Variants in AKT3 observed in about 807,000 individuals in gnomAD.
AKT3 encodes AKT serine/threonine kinase 3, also known as RAC-gamma serine/threonine-protein kinase.
A neutral mutation model predicts 65.3 loss-of-function variants in AKT3; 15 were observed. That is an observed-to-expected ratio of 0.23 (90% confidence interval 0.15 to 0.35). The LOEUF (loss-of-function observed/expected upper bound fraction) is 0.35, where lower values mean the gene tolerates loss of function less well. Among genes scored for constraint, AKT3 ranks in the 10% least tolerant of loss-of-function variants. The pLI, the probability that AKT3 is intolerant of heterozygous loss-of-function variation, is 1.00. For synonymous variants in AKT3, 206 were observed against 183.8 expected, an observed-to-expected ratio of 1.12 and a Z score of -0.98; for missense variants, 243 against 576.5, an observed-to-expected ratio of 0.42 and a Z score of 5.92.
In AKT3 at chr1:243,835,399, G is replaced by A. The variant is rs541433417; in HGVS notation, c.46+7726C>T. 1.5e-3 allele frequency among the ~76,000 whole-genome samples: 230 copies of A among 152,156 alleles called. 1 individual carries two copies. The highest frequency in any genetic ancestry group is 5.3e-3 in the African/African-American group (222 of 41,504). ...GTACTATGTTTATTACCTGAATGAC[G>A]AAATAATCTGTATACCAAACCCCTA... On this transcript the variant is annotated intron_variant, in intron 2 of 13. Transcript: ENST00000673466.
chr1:243,568,160 T>A (rs1424675347), intron 9 of AKT3, among the ~76,000 whole-genome samples: 2 of 152,186 alleles, frequency 1.3e-5, no homozygotes, highest in East Asian at 3.9e-4. Flanking sequence ...TTCCCTTTGT[T>A]AGCCAGACAA....
intron 8 of AKT3, among the ~76,000 whole-genome samples, chr1:243,575,996 A>G (rs1262545412): frequency 6.6e-6 from 1 of 152,162 alleles, no homozygotes; most frequent in East Asian, 1.9e-4. Flanking sequence ...GATCTTTACT[A>G]ACATGACAAG....
At chr1:243,719,493 T>C (rs1450001393) in intron 2 of AKT3, among the ~76,000 whole-genome samples, 3 of 152,350 alleles carry the variant, frequency 2.0e-5, no homozygotes, top group African/African-American at 7.2e-5. Context: ...ATGAGAAGTA[T>C]ATTTTGAGTA....
chr1:243,740,842 AT>A (rs1412870647), intron 2 of AKT3: 1 of 152,272 alleles, frequency 6.6e-6, no homozygotes, highest in African/African-American at 2.4e-5. Context: ...TTTACTCTTC[AT>A]TTTGTATCTG....
At chr1:243,650,963 G>A (rs1314723523) in intron 4 of AKT3, among the ~76,000 whole-genome samples, 1 of 152,174 alleles carries the variant, frequency 6.6e-6, no homozygotes, top group Non-Finnish European at 1.5e-5. Flanking sequence ...GCTTGATGGG[G>A]ATAGCACTGA....
At chr1:243,577,924 A>G (rs1675061960) in intron 8 of AKT3, among the ~76,000 whole-genome samples, 1 of 152,220 alleles carries the variant, frequency 6.6e-6, no homozygotes, top group African/African-American at 2.4e-5. Flanking sequence ...ACCAACAAAC[A>G]CATGAAAAAA....
chr1:243,760,633 C>G (rs753314814), intron 2 of AKT3, among the ~76,000 whole-genome samples: 9 of 152,088 alleles, frequency 5.9e-5, no homozygotes, highest in Non-Finnish European at 1.3e-4. Context: ...TCACATGAGG[C>G]TGAACAAGGT....
At chr1:243,547,252 T>C (rs867296712) in intron 11 of AKT3, among the ~76,000 whole-genome samples, 6 of 152,166 alleles carry the variant, frequency 3.9e-5, no homozygotes, top group Admixed American at 6.5e-5. Flanking sequence ...TCCAAACAGA[T>C]ACAGCAGACA....
intron 12 of AKT3, among the ~76,000 whole-genome samples, chr1:243,524,351 T>C (rs556063621): frequency 2.0e-4 from 30 of 152,236 alleles, no homozygotes; most frequent in Admixed American, 1.9e-3. Flanking sequence ...TCCTGAACCA[T>C]ACATACCAGG....
chr1:243,752,959 A>C (rs1040859516), intron 2 of AKT3, among the ~76,000 whole-genome samples: 1 of 152,198 alleles, frequency 6.6e-6, no homozygotes, highest in Admixed American at 6.5e-5. Flanking sequence ...GAATTTTGGC[A>C]TAGTTTCTAC....
chr1:243,846,924 T>C (rs575841101), intron 1 of AKT3, among the ~76,000 whole-genome samples: 11 of 152,312 alleles, frequency 7.2e-5, no homozygotes, highest in Non-Finnish European at 1.5e-4. Flanking sequence ...TGAATACAGG[T>C]AAAGCACATA....
intron 6 of AKT3, among the ~76,000 whole-genome samples, chr1:243,616,125 G>T (rs1229655400): frequency 6.6e-6 from 1 of 151,368 alleles, no homozygotes; most frequent in East Asian, 1.9e-4. Context: ...CTTTAGTGGT[G>T]ATTTCTGAGA....
intron 12 of AKT3, among the ~76,000 whole-genome samples, chr1:243,544,013 A>T (rs1435493607): frequency 6.6e-6 from 1 of 152,198 alleles, no homozygotes; most frequent in Admixed American, 6.5e-5. Flanking sequence ...TTAACAGAGA[A>T]GAACACTTGG....
At chr1:243,684,150 A>C (rs1047843735) in intron 3 of AKT3, among the ~76,000 whole-genome samples, 1 of 151,550 alleles carries the variant, frequency 6.6e-6, no homozygotes, top group Non-Finnish European at 1.5e-5. Flanking sequence ...TTTTTGTATA[A>C]ATGTTTTTTA....
At chr1:243,591,333 C>T (rs1285854137) in intron 8 of AKT3, among the ~76,000 whole-genome samples, 1 of 152,174 alleles carries the variant, frequency 6.6e-6, no homozygotes, top group Non-Finnish European at 1.5e-5. Flanking sequence ...AAAATACTGC[C>T]TCAATAGTGC....
In AKT3 at chr1:243,503,914, C is replaced by G. The variant is rs67027895; in HGVS notation, c.*1335G>C. 1 of 225,898 alleles carries G rather than the reference C, an allele frequency of 4.4e-6. No individual in the cohort carries two copies. Among genetic ancestry groups the G allele is most frequent in the Non-Finnish European group, 8.8e-6 (1 of 113,458 alleles). 14.0% of individuals were successfully genotyped at this position (225,898 alleles called of 1,614,324 possible). A position where few individuals can be genotyped will look rare whatever the true frequency, so the allele number is the denominator to read the frequency against. ...ACTTTTTGTTGCCAGGTCATCATAA[C>G]GTTTCAAATTCTTAAATGAGCAAAC... On this transcript the variant is annotated 3_prime_UTR_variant, in exon 14 of 14. Coordinates refer to ENST00000673466, the MANE Select transcript of AKT3 (RefSeq NM_005465.7).
chr1:243,671,974 C>G (rs575331428), intron 3 of AKT3, among the ~76,000 whole-genome samples: 3 of 152,188 alleles, frequency 2.0e-5, no homozygotes, highest in Non-Finnish European at 4.4e-5. Flanking sequence ...TGTCTGTTCC[C>G]TCTTCTATAC....
chr1:243,784,100 A>G (rs946849366), intron 2 of AKT3, among the ~76,000 whole-genome samples: 11 of 152,206 alleles, frequency 7.2e-5, no homozygotes, highest in African/African-American at 2.7e-4. Flanking sequence ...ATGAAAACAA[A>G]ATGGATGACG....
At chr1:243,506,611 ATGGGATCAAGC>A (rs1448838985) in intron 13 of AKT3, among the ~76,000 whole-genome samples, 1 of 152,258 alleles carries the variant, frequency 6.6e-6, no homozygotes, top group Non-Finnish European at 1.5e-5. Flanking sequence ...GATTCTAGAA[ATGGGATCAAGC>A]TGGCATTAGC....
Sources: gnomAD v4.1 joint callset for allele counts (sites outside exome capture counted in the v4.1 genomes callset) on GRCh38, gnomAD v4.1.1 for gene constraint, MANE v1.5 for transcripts, NCBI Gene and HGNC (gene_info 2026-07-23, HGNC 2026-07-21) for gene names.